Variants in LYPD1 observed in about 807,000 individuals in gnomAD.
LYPD1 encodes the protein ly6/PLAUR domain-containing protein 1.
In LYPD1, 14 loss-of-function variants were observed where a neutral mutation model predicts 14.2. The observed-to-expected ratio is 0.99, with a 90% CI of 0.65 to 1.54. The LOEUF (loss-of-function observed/expected upper bound fraction) is 1.54. Among genes scored for constraint, LYPD1 ranks in the 40% most tolerant of loss-of-function variants. The probability of loss-of-function intolerance (pLI) is 0.00; values close to 1 mark genes in which losing one functional copy is unlikely to be tolerated. For missense variants in LYPD1, 165 were observed against 175.7 expected (o/e 0.94, Z 0.34); for synonymous variants, 85 against 70.6 (o/e 1.20, Z -1.02).
At position 132,668,624 on chromosome 2, in the gene LYPD1, CG is replaced by C. The variant is rs1336431527; in HGVS notation, c.53-88del. 2.6e-6 allele frequency: 4 copies of C among 1,538,836 alleles called. No homozygotes were observed. The South Asian group carries it at 4.8e-5, about 18-fold the overall frequency. ...GACCATCCCACGCCTCAGAGCCAGG[CG>C]GCTCCCAGCCTCTGGCAGGCTTAGA... is the stretch of plus-strand genomic sequence containing the variant. On this transcript the variant is annotated intron_variant, in intron 1 of 2. Coordinates refer to ENST00000397463, the MANE Select transcript of LYPD1 (RefSeq NM_144586.7).
chr2:132,668,768 C>G (rs764098447), intron 1 of LYPD1, among the ~76,000 whole-genome samples: 7 of 152,150 alleles, frequency 4.6e-5, no homozygotes, highest in Non-Finnish European at 8.8e-5. Flanking sequence ...GACCCCGGCT[C>G]TAGACACAAA....
At position 132,646,219 on chromosome 2, in the gene LYPD1, G is replaced by C; in HGVS notation, c.252C>G (p.Tyr84Ter). 1 of 1,601,308 alleles carries C rather than the reference G, an allele frequency of 6.2e-7. No individual in the cohort carries two copies. Among genetic ancestry groups the C allele is most frequent in the Non-Finnish European group, 8.5e-7 (1 of 1,172,518 alleles). The change falls in exon 3 of 3, where the codon TAC becomes TAG. Residue 84 changes from tyrosine (Y) to a stop codon, truncating the protein, a stop_gained. Coordinates refer to ENST00000397463, the MANE Select transcript of LYPD1 (RefSeq NM_144586.7). LOFTEE classifies it high-confidence loss of function. Reference sequence around the variant, plus strand: ...GTTTCCCTGGGGAGCAGAAGGACTGGTACCCGGCAGAGGCGATGAGACAGG... The same window carrying C: ...GTTTCCCTGGGGAGCAGAAGGACTGCTACCCGGCAGAGGCGATGAGACAGG... ...SAACLIASAG[Y>*]QSFCSPGKLN...
At chr2:132,650,504 C>T (rs150734527) in intron 2 of LYPD1, among the ~76,000 whole-genome samples, 65 of 152,224 alleles carry the variant, frequency 4.3e-4, no homozygotes, top group African/African-American at 1.5e-3. Flanking sequence ...AACGACTATA[C>T]ACAAGGTTAT....
chr2:132,670,715 C>A (rs1683656134), upstream of LYPD1, among the ~76,000 whole-genome samples: 2 of 152,156 alleles, frequency 1.3e-5, no homozygotes, highest in South Asian at 4.1e-4. This position sits in a 1 kb window ranked among gnomAD's most constrained non-coding sequence, Gnocchi z 4.5. Context: ...GTTCCACGCC[C>A]GCAGGCTCCG....
At chr2:132,649,010 A>G (rs1161036930) in intron 2 of LYPD1, among the ~76,000 whole-genome samples, 1 of 152,118 alleles carries the variant, frequency 6.6e-6, no homozygotes, top group East Asian at 1.9e-4. Flanking sequence ...TTTGGGTGAG[A>G]TTGGATGTGA....
At chr2:132,656,032 G>A (rs1436705403) in intron 2 of LYPD1, among the ~76,000 whole-genome samples, 2 of 152,164 alleles carry the variant, frequency 1.3e-5, no homozygotes, top group Admixed American at 6.5e-5. Context: ...TATTACAAAC[G>A]ACGTGCTACA....
intron 2 of LYPD1, among the ~76,000 whole-genome samples, chr2:132,648,068 A>G (rs1274535448): frequency 2.0e-5 from 3 of 152,218 alleles, no homozygotes; most frequent in Admixed American, 1.3e-4. Context: ...GGATGCCTGT[A>G]TCTATGTGTG....
upstream of LYPD1, chr2:132,670,292 G>T: frequency 3.0e-6 from 1 of 330,560 alleles, no homozygotes; most frequent in Non-Finnish European, 5.3e-6. This position sits in a 1 kb window ranked among gnomAD's most constrained non-coding sequence, Gnocchi z 4.5. Flanking sequence ...CTGCCGAGTT[G>T]GGGTGGGGGT....
rs980645474 is a variant in LYPD1, at chr2:132,669,240, G to A, written c.52+641C>T. ...CCCGCAGCCCTTTCTTCCAGGCCCC[G>A]GCTTTCAGGACAACCGTTCGACTAG... On this transcript the variant is annotated intron_variant, in intron 1 of 2. Coordinates refer to ENST00000397463, the MANE Select transcript of LYPD1 (RefSeq NM_144586.7). This position sits in a 1 kb window ranked among gnomAD's most constrained non-coding sequence, Gnocchi z 4.3. Among the ~76,000 whole-genome samples, 6 of 152,164 alleles carry A rather than the reference G, an allele frequency of 3.9e-5. No homozygotes were observed. Among genetic ancestry groups the A allele is most frequent in the Non-Finnish European group, 5.9e-5 (4 of 68,018 alleles).
Position 132,669,014 on chromosome 2 carries a change from T to C in LYPD1, c.53-477A>G, listed in dbSNP as rs1315350845. 6.6e-6 allele frequency among the ~76,000 whole-genome samples: 1 copy of C among 152,222 alleles called. No individual in the cohort carries two copies. The highest frequency in any genetic ancestry group is 2.4e-5 in the African/African-American group (1 of 41,466). ...TTTATTTAATTTTTAAAGTCAGCGT[T>C]TCTGTGCCAGGGCTCTGAGGATCCC... On this transcript the variant is annotated intron_variant, in intron 1 of 2. Coordinates refer to ENST00000397463, the MANE Select transcript of LYPD1 (RefSeq NM_144586.7). The surrounding 1 kb of genome is among the most constrained non-coding windows in gnomAD (Gnocchi z 4.3).
At chr2:132,656,772 C>T (rs1205058711) in intron 2 of LYPD1, among the ~76,000 whole-genome samples, 1 of 152,152 alleles carries the variant, frequency 6.6e-6, no homozygotes, top group Non-Finnish European at 1.5e-5. Flanking sequence ...AAAGCCCCCT[C>T]CATTTGAGTT....
chr2:132,645,227 T>C lies in LYPD1; in HGVS notation c.*818A>G, dbSNP rs1445238604. 2 of 1,614,006 alleles carry C rather than the reference T, an allele frequency of 1.2e-6. No homozygotes were observed. The highest frequency in any genetic ancestry group is 2.7e-5 in the African/African-American group (2 of 74,900). On this transcript the variant is annotated 3_prime_UTR_variant, in exon 3 of 3. Coordinates refer to ENST00000397463, the MANE Select transcript of LYPD1 (RefSeq NM_144586.7). ...CGGGCGTACATGATCCTCCTCCCCT[T>C]CTCGGAGACGTTTTTCTACCTCAGC...
chr2:132,653,931 C>A (rs1469067495), intron 2 of LYPD1, among the ~76,000 whole-genome samples: 1 of 152,126 alleles, frequency 6.6e-6, no homozygotes, highest in Non-Finnish European at 1.5e-5. Context: ...GTGTCAACAT[C>A]ACAAAAGACA....
At chr2:132,659,128 C>T (rs181452459) in intron 2 of LYPD1, among the ~76,000 whole-genome samples, 1 of 152,340 alleles carries the variant, frequency 6.6e-6, no homozygotes, top group African/African-American at 2.4e-5. Flanking sequence ...TCTAGTTTAA[C>T]TAAAAAGTAA....
At chr2:132,661,358 T>C (rs1558884585) in intron 2 of LYPD1, among the ~76,000 whole-genome samples, 1 of 152,220 alleles carries the variant, frequency 6.6e-6, no homozygotes, top group African/African-American at 2.4e-5. Flanking sequence ...CTCACTGGAA[T>C]GGCTTGCTCT....
In LYPD1 at chr2:132,646,843, C is replaced by T. The variant is rs78682591; in HGVS notation, c.191-563G>A. 6.6e-3 allele frequency among the ~76,000 whole-genome samples: 1,003 copies of T among 152,286 alleles called. 11 individuals carry two copies. Among genetic ancestry groups the T allele is most frequent in the African/African-American group, 0.023 (949 of 41,552 alleles). Reference sequence around the variant, plus strand: ...TTTAGTGAAGGGGCACCTGGCTGACCGTGTGTCCCTCACAGTCTTATTCTA... The same window carrying T: ...TTTAGTGAAGGGGCACCTGGCTGACTGTGTGTCCCTCACAGTCTTATTCTA... On this transcript the variant is annotated intron_variant, in intron 2 of 2. Coordinates refer to ENST00000397463, the MANE Select transcript of LYPD1 (RefSeq NM_144586.7).
intron 2 of LYPD1, 48 bp downstream of exon 2, chr2:132,668,352 C>T: frequency 1.3e-6 from 2 of 1,546,664 alleles, no homozygotes; most frequent in Non-Finnish European, 1.7e-6. Context: ...TCACTCCCAC[C>T]CCACAGCCCA....
chr2:132,645,119 T>C lies in LYPD1; in HGVS notation c.*926A>G. The stretch of plus-strand genomic sequence containing the variant: ...TGCCCAGGGCTGATTGTTGTGACAT[T>C]GGCCGTATGCTGGATGCCCAACCAG... On this transcript the variant is annotated 3_prime_UTR_variant, in exon 3 of 3. Coordinates refer to ENST00000397463, the MANE Select transcript of LYPD1 (RefSeq NM_144586.7). The C allele has an allele frequency of 1.2e-6, 2 of 1,613,246 alleles. No homozygotes were observed. The highest frequency in any genetic ancestry group is 1.7e-6 in the Non-Finnish European group (2 of 1,179,530).
Position 132,646,015 on chromosome 2 carries a change from A to C in LYPD1, c.*30T>G. The C allele has an allele frequency of 6.7e-7, 1 of 1,487,878 alleles. No individual in the cohort carries two copies. The allele number at this position is 1,487,878 out of a possible 1,614,324, so 92.2% of individuals were successfully genotyped here. On this transcript the variant is annotated 3_prime_UTR_variant, in exon 3 of 3. Coordinates refer to ENST00000397463, the MANE Select transcript of LYPD1 (RefSeq NM_144586.7). ...GTTGGGGGCGAGGGCTGGAAGAACAATGCAGGAGGGGGTGGCATCTCCTTC... is the reference window on the plus strand; with the variant it reads ...GTTGGGGGCGAGGGCTGGAAGAACACTGCAGGAGGGGGTGGCATCTCCTTC...
Sources: gnomAD v4.1 joint callset for allele counts (sites outside exome capture counted in the v4.1 genomes callset) on GRCh38, gnomAD v4.1.1 for gene constraint, Gnocchi (gnomAD v3.1) non-coding constraint, MANE v1.5 for transcripts, NCBI Gene and HGNC (gene_info 2026-07-23, HGNC 2026-07-21) for gene names.